PDE4B: variants seen among roughly 807,000 people sequenced by gnomAD.
The protein encoded by PDE4B is phosphodiesterase 4B.
A neutral mutation model predicts 82.2 loss-of-function variants in PDE4B; 20 were observed. The observed-to-expected ratio is 0.24, with a 90% CI of 0.17 to 0.35. The LOEUF (loss-of-function observed/expected upper bound fraction) is 0.35. Ranked by LOEUF, PDE4B falls within the 10% of genes least tolerant of loss-of-function variation. The probability of loss-of-function intolerance (pLI) is 1.00; values close to 1 mark genes in which losing one functional copy is unlikely to be tolerated. For missense variants in PDE4B, 655 were observed against 907.2 expected (o/e 0.72, Z 3.57); for synonymous variants, 320 against 318.9 (o/e 1.00, Z -0.04).
chr1:66,198,847 G>A (rs566048722), intron 3 of PDE4B, among the ~76,000 whole-genome samples: 1 of 151,550 alleles, frequency 6.6e-6, no homozygotes, highest in Non-Finnish European at 1.5e-5. Flanking sequence ...ACCTATGAGT[G>A]AGAACATGCG....
At chr1:66,120,959 T>C (rs993159140) in intron 3 of PDE4B, among the ~76,000 whole-genome samples, 5 of 152,230 alleles carry the variant, frequency 3.3e-5, no homozygotes, top group Non-Finnish European at 5.9e-5. Flanking sequence ...CAAATGTATA[T>C]GCCCTTTAAT....
rs1410176495 is a variant in PDE4B, at chr1:66,247,343, A to G, written c.282-117A>G. On this transcript the variant is annotated intron_variant, in intron 3 of 16. Coordinates refer to ENST00000341517, the MANE Select transcript of PDE4B (RefSeq NM_002600.4). The stretch of plus-strand genomic sequence containing the variant: ...AGGATGAAAACTTTCCATAGTACAT[A>G]CAGTTTTATGTAAAATGCTTAGTGT... 5.3e-6 allele frequency: 3 copies of G among 567,382 alleles called. No individual in the cohort carries two copies. The African/African-American group carries it at 5.7e-5, about 11-fold the overall frequency. 35.1% of individuals were successfully genotyped at this position (567,382 alleles called of 1,614,324 possible). A position where few individuals can be genotyped will look rare whatever the true frequency, so the allele number is the denominator to read the frequency against.
chr1:66,305,397 G>T (rs920289453), intron 7 of PDE4B, among the ~76,000 whole-genome samples: 1 of 151,930 alleles, frequency 6.6e-6, no homozygotes, highest in Admixed American at 6.6e-5. Flanking sequence ...TAAAATATGG[G>T]ATGCCTAGTT....
At chr1:66,056,287 A>G (rs2100878740) in intron 3 of PDE4B, among the ~76,000 whole-genome samples, 1 of 152,256 alleles carries the variant, frequency 6.6e-6, no homozygotes, top group East Asian at 1.9e-4. Context: ...GAGGGAGAGA[A>G]AGGCAACGAG....
intron 1 of PDE4B, among the ~76,000 whole-genome samples, chr1:65,911,066 C>T (rs1032583196): frequency 5.3e-5 from 8 of 152,026 alleles, no homozygotes; most frequent in African/African-American, 1.2e-4. Flanking sequence ...GACATGTGTC[C>T]GATTGAAGGC....
rs141074414 is a variant in PDE4B at position 65,963,327 on chromosome 1, A to G, written c.281+44492A>G. 8.0e-4 allele frequency among the ~76,000 whole-genome samples: 122 copies of G among 152,266 alleles called. 1 individual carries two copies. The highest frequency in any genetic ancestry group is 2.6e-3 in the African/African-American group (109 of 41,552). On this transcript the variant is annotated intron_variant, in intron 3 of 16. Coordinates refer to ENST00000341517, the MANE Select transcript of PDE4B (RefSeq NM_002600.4). ...TACAAGCCTGCCCTCCAGCTCCTTGAAGAGAGAGACTATTTTAAACTTCCC... is the reference window on the plus strand; with the variant it reads ...TACAAGCCTGCCCTCCAGCTCCTTGGAGAGAGAGACTATTTTAAACTTCCC...
chr1:66,130,183 G>C (rs577647428), intron 3 of PDE4B, among the ~76,000 whole-genome samples: 1 of 152,160 alleles, frequency 6.6e-6, no homozygotes, highest in Non-Finnish European at 1.5e-5. Flanking sequence ...ATGGCAACAG[G>C]TCCCTCATGG....
chr1:66,157,327 A>T (rs1237586560), intron 3 of PDE4B, among the ~76,000 whole-genome samples: 1 of 152,170 alleles, frequency 6.6e-6, no homozygotes, highest in African/African-American at 2.4e-5. Flanking sequence ...CAGCTTTTTA[A>T]CTTGGTTCTT....
chr1:65,883,284 A>G (rs1202579367), intron 1 of PDE4B, among the ~76,000 whole-genome samples: 3 of 152,200 alleles, frequency 2.0e-5, no homozygotes, highest in Non-Finnish European at 4.4e-5. Flanking sequence ...CTTCCTACCC[A>G]TGAGCATGGA....
intron 1 of PDE4B, among the ~76,000 whole-genome samples, chr1:65,878,800 A>G: frequency 6.6e-6 from 1 of 152,124 alleles, no homozygotes; most frequent in East Asian, 1.9e-4. Flanking sequence ...TAAAACCTAG[A>G]TGACAGGTTG....
At chr1:66,197,912 G>A (rs1008496943) in intron 3 of PDE4B, among the ~76,000 whole-genome samples, 12 of 152,266 alleles carry the variant, frequency 7.9e-5, no homozygotes, top group African/African-American at 2.9e-4. Context: ...GAATAGAAAA[G>A]AAGCAGTTTC....
At chr1:66,276,941 A>G (rs182175960) in intron 7 of PDE4B, among the ~76,000 whole-genome samples, 2 of 152,322 alleles carry the variant, frequency 1.3e-5, no homozygotes, top group Non-Finnish European at 2.9e-5. Flanking sequence ...CATTTAGAAC[A>G]CGCCTGGCAC....
intron 3 of PDE4B, among the ~76,000 whole-genome samples, chr1:65,970,777 C>A (rs1248521895): frequency 6.6e-6 from 1 of 151,948 alleles, no homozygotes; most frequent in Non-Finnish European, 1.5e-5. Flanking sequence ...AACATTGCAT[C>A]TATAACAAGC....
At chr1:66,252,827 T>A (rs1653894438) in intron 4 of PDE4B, among the ~76,000 whole-genome samples, 1 of 152,126 alleles carries the variant, frequency 6.6e-6, no homozygotes, top group South Asian at 2.1e-4. Context: ...TGGTCCCAGC[T>A]CCTCAGGAGG....
chr1:66,036,706 G>T (rs1286475541), intron 3 of PDE4B, among the ~76,000 whole-genome samples: 1 of 152,120 alleles, frequency 6.6e-6, no homozygotes, highest in Non-Finnish European at 1.5e-5. Flanking sequence ...ATATCATGCT[G>T]CTTTGCTGTT....
At chr1:66,115,126 A>G (rs1322403824) in intron 3 of PDE4B, among the ~76,000 whole-genome samples, 3 of 152,160 alleles carry the variant, frequency 2.0e-5, no homozygotes, top group Non-Finnish European at 4.4e-5. Context: ...ACCATTGGTA[A>G]TATAATATTA....
intron 3 of PDE4B, among the ~76,000 whole-genome samples, chr1:66,198,990 T>G (rs2101519331): frequency 6.6e-6 from 1 of 152,222 alleles, no homozygotes; most frequent in African/African-American, 2.4e-5. Context: ...TGTGCCACAT[T>G]TTCTTAATCC....
intron 3 of PDE4B, among the ~76,000 whole-genome samples, chr1:65,923,721 A>T (rs1647338898): frequency 6.6e-6 from 1 of 151,692 alleles, no homozygotes; most frequent in Admixed American, 6.6e-5. Flanking sequence ...ATCAGCTATC[A>T]CTCTAATTGT....
chr1:66,171,231 A>G (rs561281753), intron 3 of PDE4B, among the ~76,000 whole-genome samples: 2 of 152,288 alleles, frequency 1.3e-5, no homozygotes, highest in South Asian at 4.1e-4. Flanking sequence ...AATTTTTACT[A>G]TTCCCATAAA....
Sources: allele counts gnomAD v4.1 joint callset (sites outside exome capture counted in the v4.1 genomes callset), GRCh38; gene constraint gnomAD v4.1.1; transcripts MANE v1.5; gene names NCBI Gene and HGNC (gene_info 2026-07-23, HGNC 2026-07-21).